The following DECR2 variants were observed in gnomAD, a reference collection of about 807,000 sequenced individuals.
DECR2 encodes 2,4-dienoyl-CoA reductase 2.
Under a neutral mutation model 29.2 loss-of-function variants are expected in DECR2, and 34 were observed. The observed-to-expected ratio is 1.16, with a 90% confidence interval of 0.89 to 1.55. DECR2 has a LOEUF of 1.55. Ranked by LOEUF, DECR2 falls within the 40% of genes most tolerant of loss-of-function variation. DECR2 has a pLI of 0.00. For missense variants in DECR2, 485 were observed against 425.3 expected (o/e 1.14, Z -1.23); for synonymous variants, 224 against 182.7 (o/e 1.23, Z -1.82).
chr16:407,452 G>T lies in DECR2; in HGVS notation c.229G>T (p.Gly77Cys). 1 of 1,611,356 alleles carries T rather than the reference G, an allele frequency of 6.2e-7. No homozygotes were observed. The highest frequency in any genetic ancestry group is 2.2e-5 in the East Asian group (1 of 44,862). Residue 77 changes from glycine (G) to cysteine (C), a missense_variant, in exon 4 of 9, where the codon GGC (glycine) becomes TGC (cysteine). By Grantham distance (159) the Gly-to-Cys change is radical (BLOSUM62 -3). Transcript: ENST00000219481. ...CGCCAGGAAGCTGGCTGGGGCCACC[G>T]GCCGGCGCTGCCTCCCTCTCTCTAT... is the stretch of plus-strand genomic sequence containing the variant. Reference protein sequence around the residue: ...TAARKLAGATGRRCLPLSMDV... With the variant: ...TAARKLAGATCRRCLPLSMDV...
rs1052259681 is a variant in DECR2, at chr16:401,928, C to G, written c.-36C>G. 2.0e-6 allele frequency: 3 copies of G among 1,472,210 alleles called. No homozygotes were observed. The highest frequency in any genetic ancestry group is 3.0e-5 in the East Asian group (1 of 33,296). The allele number at this position is 1,472,210 out of a possible 1,614,324, so 91.2% of individuals were successfully genotyped here. A position where few individuals can be genotyped will look rare whatever the true frequency, so the allele number is the denominator to read the frequency against. On this transcript the variant is annotated 5_prime_UTR_variant, in exon 1 of 9. Transcript: ENST00000219481. ...CGGGTCCTGGAGGCCGAGGCCGCTC[C>G]CGCCCGTTGTCCCCGCAGTCCCCGA... is the stretch of plus-strand genomic sequence containing the variant.
intron 3 of DECR2, 57 bp from the exon 4 acceptor site, chr16:407,367 GC>G: frequency 6.5e-7 from 1 of 1,543,990 alleles, no homozygotes; most frequent in East Asian, 2.3e-5. Context: ...GATTCCAAAG[GC>G]CTTTTCTCCA....
intron 8 of DECR2, 131 bp downstream of exon 8, chr16:411,709 T>A: frequency 2.0e-6 from 2 of 985,586 alleles, no homozygotes; most frequent in Non-Finnish European, 2.9e-6. Context: ...TGCGCCAGCC[T>A]GCCCACACAT....
Position 410,377 on chromosome 16 carries a change from TCG to T in DECR2, c.462+11_462+12del. ...TGAGAAGTTCTTCCGGGTGGGTGCC[TCG>T]TGCGCTCTGTGAGAAGTTCTTCCGG... On this transcript the variant is annotated intron_variant, in intron 5 of 8. Transcript: ENST00000219481. The surrounding 1 kb of genome is among the most constrained non-coding windows in gnomAD (Gnocchi z 4.1). 6.3e-7 allele frequency: 1 copy of T among 1,594,978 alleles called. No homozygotes were observed. The highest frequency in any genetic ancestry group is 1.7e-5 in the Admixed American group (1 of 59,448).
At chr16:404,657 T>C (rs1378858212) in intron 1 of DECR2, among the ~76,000 whole-genome samples, 1 of 151,774 alleles carries the variant, frequency 6.6e-6, no homozygotes, top group Non-Finnish European at 1.5e-5. Flanking sequence ...TGAGACGGAG[T>C]CTTGCTCTTT....
At chr16:407,708 G>T in intron 4 of DECR2, 148 bp downstream of exon 4, 1 of 1,315,800 alleles carries the variant, frequency 7.6e-7, no homozygotes, top group South Asian at 1.5e-5. Context: ...AGGTACCTGA[G>T]GCCAAGACTC....
intron 4 of DECR2, among the ~76,000 whole-genome samples, chr16:407,769 CCCCTGTCTCCGGGCCTCTGTCTCCGGG>C (rs1244592910): frequency 0.012 from 1,788 of 143,132 alleles, 80 homozygotes; most frequent in African/African-American, 0.042. Flanking sequence ...TGTCTCCGGG[CCCCTGTCTCCGGGCCTCTGTCTCCGGG>C]CTCTGTCTCC....
Position 410,549 on chromosome 16 carries a change from G to C in DECR2, c.463-142G>C, listed in dbSNP as rs1420456500. 13 of 1,439,000 alleles carry C rather than the reference G, an allele frequency of 9.0e-6. No individual in the cohort carries two copies. The highest frequency in any genetic ancestry group is 1.2e-5 in the Non-Finnish European group (13 of 1,050,076). The allele number at this position is 1,439,000 out of a possible 1,614,324, so 89.1% of individuals were successfully genotyped here. A position where few individuals can be genotyped will look rare whatever the true frequency, so the allele number is the denominator to read the frequency against. On this transcript the variant is annotated intron_variant, in intron 5 of 8. Coordinates refer to ENST00000219481, the MANE Select transcript of DECR2 (RefSeq NM_020664.4). The surrounding 1 kb of genome is among the most constrained non-coding windows in gnomAD (Gnocchi z 4.1). ...CCCTGCCCTGGGCCTCCCCATGACG[G>C]CCGCCCGCTCCCTGCCCTGGGCCTC...
chr16:403,862 A>G (rs1027321237), intron 1 of DECR2, among the ~76,000 whole-genome samples: 3 of 152,228 alleles, frequency 2.0e-5, no homozygotes, highest in African/African-American at 4.8e-5. Flanking sequence ...TGGATGACGT[A>G]GCAAGAACCT....
rs201571485 is a variant in DECR2, at chr16:411,461, C to A, written c.762C>A (p.Ser254Arg). Residue 254 changes from serine to arginine, a missense_variant, in exon 8 of 9, where the codon AGC (serine) becomes AGA (arginine). Ser to Arg is a moderately radical substitution (Grantham distance 110). Transcript: ENST00000219481. ...EIAHSVLYLA[S>R]PLASYVTGAV... is the part of the protein sequence containing the mutation. ...CCCACAGCGTGCTCTACCTGGCCAG[C>A]CCTCTGGCTTCCTACGTGACGGGGG... 1.9e-6 allele frequency: 3 copies of A among 1,613,890 alleles called. No individual in the cohort carries two copies. The highest frequency in any genetic ancestry group is 2.2e-5 in the East Asian group (1 of 44,888).
chr16:407,459 G>A lies in DECR2; in HGVS notation c.236G>A (p.Arg79His), dbSNP rs141623402. ...ARKLAGATGR[R>H]CLPLSMDVRA... ...AAGCTGGCTGGGGCCACCGGCCGGC[G>A]CTGCCTCCCTCTCTCTATGGACGTC... is the stretch of plus-strand genomic sequence containing the variant. Residue 79 changes from arginine to histidine, a missense_variant, in exon 4 of 9, where the codon CGC becomes CAC. Coordinates refer to ENST00000219481, the MANE Select transcript of DECR2 (RefSeq NM_020664.4). 45 of 1,612,024 alleles carry A rather than the reference G, an allele frequency of 2.8e-5. No individual in the cohort carries two copies. Among genetic ancestry groups the A allele is most frequent in the African/African-American group, 5.3e-5 (4 of 74,924 alleles).
chr16:406,288 G>A lies in DECR2; in HGVS notation c.150-58G>A, dbSNP rs1206698328. 135 of 1,417,148 alleles carry A rather than the reference G, an allele frequency of 9.5e-5. 2 individuals carry two copies. Among genetic ancestry groups the A allele is most frequent in the Non-Finnish European group, 3.9e-5 (42 of 1,087,220 alleles). 87.8% of individuals were successfully genotyped at this position (1,417,148 alleles called of 1,614,324 possible). On this transcript the variant is annotated intron_variant, in intron 2 of 8. Transcript: ENST00000219481. ...GAGACTCCTGCTCAGGAGCTGGGCA[G>A]ATGCCCCGGGAGTGCCCCTCGCCCA... is the stretch of plus-strand genomic sequence containing the variant.
In DECR2 at chr16:411,388, A is replaced by T; in HGVS notation, c.689A>T (p.Lys230Met). Residue 230 changes from lysine to methionine, a missense_variant, in exon 8 of 9, where the codon AAG (lysine) becomes ATG (methionine). By Grantham distance (95) the Lys-to-Met change is moderately conservative. Coordinates refer to ENST00000219481, the MANE Select transcript of DECR2 (RefSeq NM_020664.4). ...GGCCCTCAGGCCAGCCTGAGCACCA[A>T]GGTCACTGCCAGCCCGCTGCAGAGG... ...LGGPQASLST[K>M]VTASPLQRLG... 6.2e-7 allele frequency: 1 copy of T among 1,610,904 alleles called. No individual in the cohort carries two copies. The highest frequency in any genetic ancestry group is 8.5e-7 in the Non-Finnish European group (1 of 1,179,740).
At chr16:404,213 T>G (rs1232463512) in intron 1 of DECR2, among the ~76,000 whole-genome samples, 1 of 151,874 alleles carries the variant, frequency 6.6e-6, no homozygotes, top group Non-Finnish European at 1.5e-5. Flanking sequence ...AATAAAATAC[T>G]ATAATTTTAT....
In DECR2 at chr16:407,080, G is replaced by A. The variant is rs1418377708; in HGVS notation, c.202-345G>A. On this transcript the variant is annotated intron_variant, in intron 3 of 8. Transcript: ENST00000219481. ...CTCTGGGCTCACCTGGGTTATTTAG[G>A]TGGTCCGTGCGTCCCACCTACTGGA... 3 of 1,094,946 alleles carry A rather than the reference G, an allele frequency of 2.7e-6. No homozygotes were observed. In the Admixed American group the frequency reaches 1.4e-4, roughly 52 times the overall value. The allele number at this position is 1,094,946 out of a possible 1,614,324, so 67.8% of individuals were successfully genotyped here.
At chr16:408,664 C>A (rs562742658) in intron 4 of DECR2, among the ~76,000 whole-genome samples, 1 of 151,860 alleles carries the variant, frequency 6.6e-6, no homozygotes, top group Non-Finnish European at 1.5e-5. Flanking sequence ...TGTGCCATCA[C>A]GCCTGGCTAA....
In DECR2 at chr16:402,010, C is replaced by T. The variant is rs757391887; in HGVS notation, c.47C>T (p.Ala16Val). ...PDVEGDDCLP[A>V]YRHLFCPDLL... Reference sequence around the variant, plus strand: ...GTGGAGGGGGACGACTGTCTCCCCGCGTACCGCCACCTCTTCTGCCCGGAC... The same window carrying T: ...GTGGAGGGGGACGACTGTCTCCCCGTGTACCGCCACCTCTTCTGCCCGGAC... Residue 16 changes from alanine to valine, a missense_variant, in exon 1 of 9, where the codon GCG (alanine) becomes GTG (valine). By Grantham distance (64) the Ala-to-Val change is moderately conservative. Transcript: ENST00000219481. 6.7e-7 allele frequency: 1 copy of T among 1,489,256 alleles called. No individual in the cohort carries two copies. Among genetic ancestry groups the T allele is most frequent in the South Asian group, 1.3e-5 (1 of 78,758 alleles). The allele number at this position is 1,489,256 out of a possible 1,614,324, so 92.3% of individuals were successfully genotyped here.
chr16:408,887 C>T (rs536013811), intron 4 of DECR2, among the ~76,000 whole-genome samples: 17 of 150,418 alleles, frequency 1.1e-4, no homozygotes, highest in African/African-American at 3.7e-4. Context: ...GCTGGAGTAC[C>T]ATGGTACAAT....
rs1202876926 is a variant in DECR2 at position 411,903 on chromosome 16, G to A, written c.*14G>A. ...AAACTCCTGCAGGAATCTTCCGGCCGCTGCTTCCTGCCGCCTCACTCAGCC... is the reference window on the plus strand; with the variant it reads ...AAACTCCTGCAGGAATCTTCCGGCCACTGCTTCCTGCCGCCTCACTCAGCC... On this transcript the variant is annotated 3_prime_UTR_variant, in exon 9 of 9. Transcript: ENST00000219481. The A allele has an allele frequency of 6.1e-6, 2 of 327,634 alleles. No homozygotes were observed. Among genetic ancestry groups the A allele is most frequent in the Non-Finnish European group, 1.1e-5 (2 of 178,668 alleles). The allele number at this position is 327,634 out of a possible 1,614,324, so 20.3% of individuals were successfully genotyped here.
Sources: gnomAD v4.1 joint callset for allele counts (sites outside exome capture counted in the v4.1 genomes callset) on GRCh38, gnomAD v4.1.1 for gene constraint, Gnocchi (gnomAD v3.1) non-coding constraint, MANE v1.5 for transcripts, NCBI Gene and HGNC (gene_info 2026-07-23, HGNC 2026-07-21) for gene names.